SCHIP1: variants seen among roughly 807,000 people sequenced by gnomAD.
SCHIP1 encodes schwannomin interacting protein 1.
Under a neutral mutation model 29.7 loss-of-function variants are expected in SCHIP1, and 8 were observed. The ratio of observed to expected loss-of-function variants is 0.27; its 90% CI spans 0.16 to 0.49. The LOEUF is 0.49. SCHIP1 is among the 20% of genes least tolerant of loss of function. The probability of loss-of-function intolerance (pLI) is 0.99; values close to 1 mark genes in which losing one functional copy is unlikely to be tolerated. For synonymous variants in SCHIP1, 76 were observed against 94.9 expected (o/e 0.80, Z 1.16); for missense variants, 193 against 294.6 (o/e 0.66, Z 2.52).
At chr3:159,405,949 A>G in the SCHIP1 span, among the ~76,000 whole-genome samples, 15 of 151,718 alleles carry the variant, frequency 9.9e-5, no homozygotes, top group Non-Finnish European at 1.9e-4. Context: ...AAAGAATAAA[A>G]CGTGCCTAAA....
At chr3:159,525,788 G>T in the SCHIP1 span, among the ~76,000 whole-genome samples, 3 of 152,212 alleles carry the variant, frequency 2.0e-5, no homozygotes, top group East Asian at 1.9e-4. Flanking sequence ...GGCAGGCCGA[G>T]GGGGAGGCAG....
At chr3:159,782,652 T>A in the SCHIP1 span, among the ~76,000 whole-genome samples, 1 of 152,230 alleles carries the variant, frequency 6.6e-6, no homozygotes, top group African/African-American at 2.4e-5. Context: ...CAATCTTAAG[T>A]CTCAGTTAGA....
the SCHIP1 span, among the ~76,000 whole-genome samples, chr3:159,323,091 A>G: frequency 6.6e-6 from 1 of 152,216 alleles, no homozygotes; most frequent in African/African-American, 2.4e-5. Flanking sequence ...TACTCAAAAG[A>G]TTGGCATTAA....
At chr3:159,562,622 C>CT in the SCHIP1 span, among the ~76,000 whole-genome samples, 1 of 152,148 alleles carries the variant, frequency 6.6e-6, no homozygotes, top group East Asian at 1.9e-4. Flanking sequence ...GTATCCCAAG[C>CT]TACAAGAGTT....
chr3:159,372,658 A>T, the SCHIP1 span, among the ~76,000 whole-genome samples: 1 of 152,102 alleles, frequency 6.6e-6, no homozygotes, highest in South Asian at 2.1e-4. Flanking sequence ...ATGTGTTTTT[A>T]TATAGCCTAC....
At chr3:159,404,718 C>G in the SCHIP1 span, among the ~76,000 whole-genome samples, 524 of 152,340 alleles carry the variant, frequency 3.4e-3, 4 homozygotes, top group African/African-American at 0.011. Context: ...TCTCACCTCT[C>G]TGAAGGGAAA....
chr3:159,438,367 C>A, the SCHIP1 span, among the ~76,000 whole-genome samples: 1 of 152,054 alleles, frequency 6.6e-6, no homozygotes, highest in Non-Finnish European at 1.5e-5. Flanking sequence ...GATCCTCAAT[C>A]CCCTCAATCC....
chr3:159,707,957 C>T, the SCHIP1 span, among the ~76,000 whole-genome samples: 1 of 152,326 alleles, frequency 6.6e-6, no homozygotes, highest in South Asian at 2.1e-4. Context: ...TCCTCTTCCT[C>T]CTTTTTCTTA....
upstream of SCHIP1, chr3:159,839,786 A>T: frequency 1.3e-6 from 1 of 783,786 alleles, no homozygotes; most frequent in Non-Finnish European, 1.7e-6. Flanking sequence ...CTCGTTAATG[A>T]GGACTAGAAT....
the SCHIP1 span, among the ~76,000 whole-genome samples, chr3:159,397,343 G>T: frequency 6.6e-6 from 1 of 152,216 alleles, no homozygotes; most frequent in South Asian, 2.1e-4. Context: ...TCTCCGTCCA[G>T]CTTTGTTCCG....
chr3:159,752,828 C>T, the SCHIP1 span, among the ~76,000 whole-genome samples: 3 of 152,128 alleles, frequency 2.0e-5, no homozygotes, highest in Non-Finnish European at 2.9e-5. Flanking sequence ...AGATCCAAAC[C>T]GTATCATTTC....
chr3:159,293,445 G>A, the SCHIP1 span, among the ~76,000 whole-genome samples: 5 of 152,300 alleles, frequency 3.3e-5, no homozygotes, highest in Middle Eastern at 3.4e-3. Context: ...GAGCATCAGC[G>A]TATAGAGGCA....
the SCHIP1 span, among the ~76,000 whole-genome samples, chr3:159,597,879 A>G: frequency 6.6e-6 from 1 of 152,306 alleles, no homozygotes; most frequent in Non-Finnish European, 1.5e-5. Flanking sequence ...TTATAAACAA[A>G]AGAGGTTTCA....
the SCHIP1 span, among the ~76,000 whole-genome samples, chr3:159,556,682 A>G: frequency 6.8e-6 from 1 of 147,910 alleles, no homozygotes; most frequent in Admixed American, 6.9e-5. Context: ...AAAACCAAAC[A>G]CCGCTTGTTC....
At chr3:159,749,023 G>A in the SCHIP1 span, among the ~76,000 whole-genome samples, 5 of 152,134 alleles carry the variant, frequency 3.3e-5, no homozygotes, top group Non-Finnish European at 7.4e-5. Context: ...TATAATCCCA[G>A]CACTTTGGGA....
At chr3:159,451,991 T>C in the SCHIP1 span, among the ~76,000 whole-genome samples, 2 of 152,122 alleles carry the variant, frequency 1.3e-5, no homozygotes, top group Non-Finnish European at 2.9e-5. Context: ...AATCTTAATA[T>C]GAAGATGATG....
the SCHIP1 span, among the ~76,000 whole-genome samples, chr3:159,394,006 G>T: frequency 2.0e-3 from 309 of 151,988 alleles, no homozygotes; most frequent in African/African-American, 6.8e-3. Context: ...ATGGTTTGTA[G>T]TTCTCCTTGA....
chr3:159,534,892 C>T, the SCHIP1 span, among the ~76,000 whole-genome samples: 2 of 152,166 alleles, frequency 1.3e-5, no homozygotes, highest in South Asian at 2.1e-4. Context: ...ATGAAGGCTT[C>T]TCTATTTATC....
the SCHIP1 span, among the ~76,000 whole-genome samples, chr3:159,608,177 T>G: frequency 6.6e-6 from 1 of 152,236 alleles, no homozygotes; most frequent in South Asian, 2.1e-4. Context: ...GCCATGATGA[T>G]GTATCTGCTA....
Sources: allele counts gnomAD v4.1 joint callset (sites outside exome capture counted in the v4.1 genomes callset), GRCh38; gene constraint gnomAD v4.1.1; transcripts MANE v1.5; gene names NCBI Gene and HGNC (gene_info 2026-07-23, HGNC 2026-07-21).